GSE1: variants seen among roughly 807,000 people sequenced by gnomAD.
GSE1 encodes the protein genetic suppressor element 1.
In GSE1, 32 loss-of-function variants were observed where a neutral mutation model predicts 112.6. That is an observed-to-expected ratio of 0.28 (90% CI 0.21 to 0.38). The LOEUF is 0.38. GSE1 is among the 10% of genes least tolerant of loss of function. The pLI, the probability that GSE1 is intolerant of heterozygous loss-of-function variation, is 1.00. For missense variants in GSE1, 2,348 were observed against 1,699.2 expected (o/e 1.38, Z -6.71); for synonymous variants, 1,115 against 735.6 (o/e 1.52, Z -8.35).
chr16:85,252,898 TC>T (rs1421718726), intron 1 of GSE1, among the ~76,000 whole-genome samples: 2 of 152,174 alleles, frequency 1.3e-5, no homozygotes, highest in East Asian at 3.9e-4. Context: ...GACCACAGGC[TC>T]GGCTCCCTTG....
At chr16:85,532,715 C>T (rs2044176932) in intron 2 of GSE1, among the ~76,000 whole-genome samples, 1 of 152,352 alleles carries the variant, frequency 6.6e-6, no homozygotes, top group Admixed American at 6.5e-5. Context: ...CAGGATGGGC[C>T]TGTGGCTCCA....
intron 3 of GSE1, among the ~76,000 whole-genome samples, chr16:85,653,900 G>C (rs991720601): frequency 1.3e-5 from 2 of 152,174 alleles, no homozygotes; most frequent in Admixed American, 6.5e-5. Context: ...GCTTCCCCGG[G>C]TGTGTGTCTG....
rs574109844 is a variant in GSE1, at chr16:85,249,368, C to CT, written c.2283+77562dup. On this transcript the variant is annotated intron_variant, in intron 1 of 2. Transcript: ENST00000637419. Reference sequence around the variant, plus strand: ...CCAGGAGGGATGCTCACAGCGAGGACTGTGGCACTTGCGGAGGCCCAGTCG... The same window carrying CT: ...CCAGGAGGGATGCTCACAGCGAGGACTTGTGGCACTTGCGGAGGCCCAGTCG... Among the ~76,000 whole-genome samples, 337 of 152,360 alleles carry CT rather than the reference C, an allele frequency of 2.2e-3. 4 individuals carry two copies. The highest frequency in any genetic ancestry group is 0.022 in the Admixed American group (332 of 15,312).
At chr16:85,207,285 T>C (rs1251383506) in intron 1 of GSE1, among the ~76,000 whole-genome samples, 1 of 152,230 alleles carries the variant, frequency 6.6e-6, no homozygotes, top group Non-Finnish European at 1.5e-5. Flanking sequence ...GGCTCCGCTC[T>C]GCGGGCCAGG....
At chr16:85,339,177 C>T (rs1392403247) in intron 1 of GSE1, among the ~76,000 whole-genome samples, 1 of 152,154 alleles carries the variant, frequency 6.6e-6, no homozygotes, top group Non-Finnish European at 1.5e-5. Flanking sequence ...GTAGCCAGGC[C>T]CGTAGTAGTT....
Position 85,655,878 on chromosome 16 carries a change from C to T in GSE1, c.950C>T (p.Ala317Val), listed in dbSNP as rs199880749. Residue 317 changes from alanine (A) to valine (V), a missense_variant, in exon 6 of 16, where the codon GCG becomes GTG. Coordinates refer to ENST00000253458, the MANE Select transcript of GSE1 (RefSeq NM_014615.5). ...PPELSHSSLA[A>V]LHSERMSGLS... ...GAGCTCTCCCACTCATCCCTGGCAGCGCTGCACTCGGAGCGCATGTCTGGC... is the reference window on the plus strand; with the variant it reads ...GAGCTCTCCCACTCATCCCTGGCAGTGCTGCACTCGGAGCGCATGTCTGGC... 33 of 1,607,444 alleles carry T rather than the reference C, an allele frequency of 2.1e-5. No homozygotes were observed. The highest frequency in any genetic ancestry group is 2.5e-5 in the Non-Finnish European group (29 of 1,179,856).
intron 1 of GSE1, among the ~76,000 whole-genome samples, chr16:85,266,474 A>C (rs1479662130): frequency 6.6e-6 from 1 of 152,164 alleles, no homozygotes; most frequent in Non-Finnish European, 1.5e-5. Context: ...GGTCTCCGGC[A>C]CAAGGACCTG....
At chr16:85,641,537 C>T (rs1226475742) in intron 2 of GSE1, among the ~76,000 whole-genome samples, 1 of 152,238 alleles carries the variant, frequency 6.6e-6, no homozygotes, top group Non-Finnish European at 1.5e-5. Flanking sequence ...TACTTGGTCT[C>T]CTGCTTCTCC....
intron 1 of GSE1, among the ~76,000 whole-genome samples, chr16:85,590,991 C>T (rs1190419731): frequency 6.6e-6 from 1 of 152,210 alleles, no homozygotes; most frequent in Non-Finnish European, 1.5e-5. Context: ...CAGCTGTGTG[C>T]CCTCCTGGGG....
At chr16:85,214,131 G>C (rs953598925) in intron 1 of GSE1, among the ~76,000 whole-genome samples, 1 of 152,218 alleles carries the variant, frequency 6.6e-6, no homozygotes, top group Non-Finnish European at 1.5e-5. Flanking sequence ...CGAGTGTCGG[G>C]TTCCGAGACT....
intron 1 of GSE1, among the ~76,000 whole-genome samples, chr16:85,246,256 T>TGCAC (rs1555546419): frequency 9.2e-5 from 8 of 87,008 alleles, no homozygotes; most frequent in Non-Finnish European, 1.6e-4. Flanking sequence ...ACACGCTGTC[T>TGCAC]ACACACACAC....
At chr16:85,439,117 A>G (rs1407848881) in intron 2 of GSE1, among the ~76,000 whole-genome samples, 1 of 152,238 alleles carries the variant, frequency 6.6e-6, no homozygotes, top group East Asian at 1.9e-4. Flanking sequence ...GTCAGGGGTC[A>G]TTCAGCAGCC....
chr16:85,534,351 A>C (rs1460232341), intron 2 of GSE1, among the ~76,000 whole-genome samples: 1 of 151,866 alleles, frequency 6.6e-6, no homozygotes, highest in Non-Finnish European at 1.5e-5. Context: ...TGAACTCCTG[A>C]CCTCAAGTGA....
At chr16:85,307,074 G>C (rs2045698940) in intron 1 of GSE1, among the ~76,000 whole-genome samples, 1 of 152,184 alleles carries the variant, frequency 6.6e-6, no homozygotes. Flanking sequence ...AGCTGAGTTT[G>C]GGCAGAGGTT....
chr16:85,663,546 A>T lies in GSE1; in HGVS notation c.2576A>T (p.Asn859Ile). The change falls in exon 11 of 16, where the codon AAC (asparagine) becomes ATC (isoleucine). Residue 859 changes from asparagine to isoleucine, a missense_variant. By Grantham distance (149) the Asn-to-Ile change is moderately radical. Transcript: ENST00000253458. Reference sequence around the variant, plus strand: ...CCTGATGAGATGAACAACAGTCCCAACTTCGAAGAAAAGAAGAAGTTCCTG... The same window carrying T: ...CCTGATGAGATGAACAACAGTCCCATCTTCGAAGAAAAGAAGAAGTTCCTG... ...YSPDEMNNSP[N>I]FEEKKKFLTI... The T allele has an allele frequency of 6.2e-7, 1 of 1,613,912 alleles. No homozygotes were observed. Among genetic ancestry groups the T allele is most frequent in the East Asian group, 2.2e-5 (1 of 44,866 alleles).
intron 2 of GSE1, among the ~76,000 whole-genome samples, chr16:85,524,671 T>C (rs1219239867): frequency 6.6e-6 from 1 of 152,110 alleles, no homozygotes; most frequent in Non-Finnish European, 1.5e-5. Context: ...CCTGTTTGCA[T>C]TCCTGGGCCA....
At chr16:85,470,078 G>A (rs1221857245) in intron 2 of GSE1, among the ~76,000 whole-genome samples, 1 of 152,248 alleles carries the variant, frequency 6.6e-6, no homozygotes, top group Admixed American at 6.5e-5. Context: ...TCACTCTGAG[G>A]GTGAGGGCCA....
chr16:85,189,742 G>C (rs968312814), intron 1 of GSE1, among the ~76,000 whole-genome samples: 2 of 152,104 alleles, frequency 1.3e-5, no homozygotes, highest in African/African-American at 4.8e-5. Context: ...AGTCAGTTTT[G>C]GTGATTTATT....
chr16:85,298,724 G>T (rs1203885745), intron 1 of GSE1, among the ~76,000 whole-genome samples: 1 of 152,220 alleles, frequency 6.6e-6, no homozygotes, highest in Non-Finnish European at 1.5e-5. Context: ...ACTGCACCTG[G>T]CCGAGACCTC....
Sources: gnomAD v4.1 joint callset for allele counts (sites outside exome capture counted in the v4.1 genomes callset) on GRCh38, gnomAD v4.1.1 for gene constraint, MANE v1.5 for transcripts, NCBI Gene and HGNC (gene_info 2026-07-23, HGNC 2026-07-21) for gene names.